The following SLC5A1 variants were observed in gnomAD, a reference collection of about 807,000 sequenced individuals.
The protein encoded by SLC5A1 is solute carrier family 5 member 1, also known as sodium/glucose cotransporter 1.
Under a neutral mutation model 73.5 loss-of-function variants are expected in SLC5A1, and 42 were observed. The ratio of observed to expected loss-of-function variants is 0.57; its 90% CI spans 0.45 to 0.74. The LOEUF (loss-of-function observed/expected upper bound fraction) is 0.74. Among genes scored for constraint, SLC5A1 ranks in the 30% least tolerant of loss-of-function variants. The probability of loss-of-function intolerance (pLI) is 0.00; values close to 1 mark genes in which losing one functional copy is unlikely to be tolerated. For synonymous variants in SLC5A1, 300 were observed against 317.4 expected (o/e 0.95, Z 0.58); for missense variants, 634 against 855.4 (o/e 0.74, Z 3.23).
chr22:32,074,982 A>G (rs1039190250), intron 5 of SLC5A1, among the ~76,000 whole-genome samples: 32 of 151,832 alleles, frequency 2.1e-4, no homozygotes, highest in Non-Finnish European at 3.7e-4. Flanking sequence ...ATGCAACCTT[A>G]AACTCGTGGG....
At chr22:32,105,141 G>C (rs1036773079) in intron 14 of SLC5A1, among the ~76,000 whole-genome samples, 5 of 152,096 alleles carry the variant, frequency 3.3e-5, no homozygotes, top group Non-Finnish European at 5.9e-5. Flanking sequence ...TTGTGAGTAC[G>C]TAGTAGGTGT....
At chr22:32,089,404 G>C (rs893362888) in intron 10 of SLC5A1, among the ~76,000 whole-genome samples, 15 of 150,870 alleles carry the variant, frequency 9.9e-5, no homozygotes, top group Non-Finnish European at 2.2e-4. Context: ...AGGAAAGACA[G>C]AATTGTGTTC....
rs1026806455 is a variant in SLC5A1, at chr22:32,043,699, G to C, written c.135+283G>C. ...AGGTGGGGGTTTGAAGAGACCGCTGGAAAGTGTAAGGGGCAGGAAAGCGGC... is the reference window on the plus strand; with the variant it reads ...AGGTGGGGGTTTGAAGAGACCGCTGCAAAGTGTAAGGGGCAGGAAAGCGGC... On this transcript the variant is annotated intron_variant, in intron 1 of 14. Coordinates refer to ENST00000266088, the MANE Select transcript of SLC5A1 (RefSeq NM_000343.4). The surrounding 1 kb of genome is among the most constrained non-coding windows in gnomAD (Gnocchi z 6.5). Among the ~76,000 whole-genome samples the C allele has an allele frequency of 6.6e-6, 1 of 152,190 alleles. No homozygotes were observed. Among genetic ancestry groups the C allele is most frequent in the African/African-American group, 2.4e-5 (1 of 41,438 alleles).
intron 5 of SLC5A1, 118 bp downstream of exon 5, chr22:32,068,718 C>T (rs2093978235): frequency 1.5e-5 from 11 of 731,112 alleles, no homozygotes; most frequent in Non-Finnish European, 2.7e-5. Context: ...CCCCTTAAGC[C>T]TTCTTGCGCC....
chr22:32,052,461 C>A (rs1603104146), intron 2 of SLC5A1, among the ~76,000 whole-genome samples: 1 of 152,190 alleles, frequency 6.6e-6, no homozygotes, highest in East Asian at 1.9e-4. Context: ...AGTCCCAACA[C>A]ATGGGTGGGG....
At chr22:32,069,517 TA>T (rs201739089) in intron 5 of SLC5A1, among the ~76,000 whole-genome samples, 16,923 of 142,118 alleles carry the variant, frequency 0.12, 1,293 homozygotes, top group South Asian at 0.24. Flanking sequence ...ACCTGCCTCT[TA>T]AAAAAAAAAA....
intron 2 of SLC5A1, among the ~76,000 whole-genome samples, chr22:32,064,498 G>GAA (rs568245165): frequency 1.1e-4 from 15 of 133,776 alleles, no homozygotes; most frequent in Admixed American, 1.5e-4. Context: ...CCTGTCTTAG[G>GAA]AAAAAAAAAA....
intron 5 of SLC5A1, among the ~76,000 whole-genome samples, chr22:32,080,888 G>A (rs1241504854): frequency 6.6e-6 from 1 of 152,146 alleles, no homozygotes; most frequent in Non-Finnish European, 1.5e-5. Context: ...CAGCTACTCA[G>A]GAGGCTGAGG....
rs568294212 is a variant in SLC5A1 at position 32,057,262 on chromosome 22, G to C, written c.207+7248G>C. Among the ~76,000 whole-genome samples the C allele has an allele frequency of 3.8e-3, 576 of 152,256 alleles. 7 individuals carry two copies. Among genetic ancestry groups the C allele is most frequent in the African/African-American group, 0.014 (562 of 41,556 alleles). On this transcript the variant is annotated intron_variant, in intron 2 of 14. Transcript: ENST00000266088. ...GTGAAGCCAGTTGTCCATTGCCCTA[G>C]GCAATTCTTTTCATTGTTTTTTGAG...
At chr22:32,055,622 G>C (rs1204154211) in intron 2 of SLC5A1, among the ~76,000 whole-genome samples, 1 of 152,202 alleles carries the variant, frequency 6.6e-6, no homozygotes, top group East Asian at 1.9e-4. Context: ...GGAAAAACCA[G>C]AAAGTCAGTG....
rs748537884 is a variant in SLC5A1, at chr22:32,102,154, T to C, written c.1582T>C (p.Tyr528His). The change falls in exon 13 of 15, where the codon TAC becomes CAC. Residue 528 changes from tyrosine (Y) to histidine (H), a missense_variant. Coordinates refer to ENST00000266088, the MANE Select transcript of SLC5A1 (RefSeq NM_000343.4). ...PTIICGVHYL[Y>H]FAIILFAISF... ...GATTATCTGTGGGGTGCACTACTTG[T>C]ACTTTGCCATTATCCTCTTCGCCAT... 3.7e-6 allele frequency: 6 copies of C among 1,614,100 alleles called. No individual in the cohort carries two copies. Among genetic ancestry groups the C allele is most frequent in the Admixed American group, 3.3e-5 (2 of 60,008 alleles).
At chr22:32,094,154 A>G (rs1264377392) in intron 11 of SLC5A1, among the ~76,000 whole-genome samples, 4 of 152,080 alleles carry the variant, frequency 2.6e-5, no homozygotes, top group African/African-American at 9.7e-5. Flanking sequence ...ATTGACTTGC[A>G]TATGTTAAAC....
At chr22:32,078,625 T>C (rs1467768240) in intron 5 of SLC5A1, among the ~76,000 whole-genome samples, 3 of 152,196 alleles carry the variant, frequency 2.0e-5, no homozygotes, top group African/African-American at 7.2e-5. Context: ...GATTTTATTT[T>C]AAAAGTAAAT....
At chr22:32,082,744 C>G (rs1368128156) in intron 6 of SLC5A1, among the ~76,000 whole-genome samples, 1 of 152,200 alleles carries the variant, frequency 6.6e-6, no homozygotes, top group South Asian at 2.1e-4. Context: ...CTTTGCTCCT[C>G]CCTGCCTTGT....
intron 14 of SLC5A1, among the ~76,000 whole-genome samples, chr22:32,106,715 ACTTT>A (rs2094046704): frequency 6.6e-6 from 1 of 152,218 alleles, no homozygotes; most frequent in Non-Finnish European, 1.5e-5. Context: ...GTAAGTTAAT[ACTTT>A]CTTCTACTTC....
intron 2 of SLC5A1, among the ~76,000 whole-genome samples, chr22:32,054,356 C>T (rs2093948844): frequency 6.6e-6 from 1 of 152,172 alleles, no homozygotes; most frequent in Non-Finnish European, 1.5e-5. Context: ...TTATGTCCCT[C>T]ACATTCTTAC....
rs2094042528 is a variant in SLC5A1 at position 32,104,850 on chromosome 22, A to C, written c.1730A>C (p.Glu577Ala). The change falls in exon 14 of 15, where the codon GAG becomes GCG. Residue 577 changes from glutamate (E) to alanine (A), a missense_variant. Physicochemically the swap from Glu to Ala is moderately radical, Grantham distance 107 (BLOSUM62 -1). Coordinates refer to ENST00000266088, the MANE Select transcript of SLC5A1 (RefSeq NM_000343.4). ...KEERIDLDAE[E>A]ENIQEGPKET... ...GAGCGTATTGACCTGGATGCGGAAGAGGAGAACATCCAAGAAGGCCCTAAG... is the reference window on the plus strand; with the variant it reads ...GAGCGTATTGACCTGGATGCGGAAGCGGAGAACATCCAAGAAGGCCCTAAG... The C allele has an allele frequency of 1.9e-6, 3 of 1,614,182 alleles. No homozygotes were observed. Among genetic ancestry groups the C allele is most frequent in the Non-Finnish European group, 2.5e-6 (3 of 1,180,010 alleles).
chr22:32,077,219 TTTCC>T (rs369674624), intron 5 of SLC5A1, among the ~76,000 whole-genome samples: 1 of 151,422 alleles, frequency 6.6e-6, no homozygotes, highest in African/African-American at 2.4e-5. Context: ...TCCTTCCTTC[TTTCC>T]TTCCTTCCTT....
intron 3 of SLC5A1, among the ~76,000 whole-genome samples, chr22:32,067,338 C>CACT (rs1555963172): frequency 2.1e-5 from 3 of 146,288 alleles, no homozygotes; most frequent in Non-Finnish European, 4.6e-5. Flanking sequence ...ACCAGATTTC[C>CACT]ATTATTATTA....
Sources: allele counts gnomAD v4.1 joint callset (sites outside exome capture counted in the v4.1 genomes callset), GRCh38; gene constraint gnomAD v4.1.1; non-coding constraint Gnocchi (gnomAD v3.1); transcripts MANE v1.5; gene names NCBI Gene and HGNC (gene_info 2026-07-23, HGNC 2026-07-21).